Variants in DTHD1 observed in about 807,000 individuals in gnomAD.
DTHD1 encodes death domain containing 1.
In DTHD1, 59 loss-of-function variants were observed where a neutral mutation model predicts 74.8. That is an observed-to-expected ratio of 0.79 (90% confidence interval 0.64 to 0.98). The LOEUF (loss-of-function observed/expected upper bound fraction) is 0.98. Ranked by LOEUF, DTHD1 falls within the 50% of genes least tolerant of loss-of-function variation. The pLI is 0.00. For synonymous variants in DTHD1, 365 were observed against 371.1 expected, an observed-to-expected ratio of 0.98 and a Z score of 0.19; for missense variants, 1,051 against 1,065.4, an observed-to-expected ratio of 0.99 and a Z score of 0.19.
intron 5 of DTHD1, among the ~76,000 whole-genome samples, chr4:36,297,523 A>C (rs1315828775): frequency 6.6e-6 from 1 of 151,900 alleles, no homozygotes; most frequent in Non-Finnish European, 1.5e-5. Flanking sequence ...GAAGCAATTA[A>C]TTTTTTTTGT....
chr4:36,338,803 G>A (rs1759153540), intron 8 of DTHD1, among the ~76,000 whole-genome samples: 1 of 151,986 alleles, frequency 6.6e-6, no homozygotes, highest in South Asian at 2.1e-4. Flanking sequence ...CTTGCTCTAC[G>A]CTAGTTGGTT....
chr4:36,299,847 C>T (rs573113297), intron 5 of DTHD1, among the ~76,000 whole-genome samples: 199 of 151,914 alleles, frequency 1.3e-3, no homozygotes, highest in African/African-American at 4.5e-3. Context: ...TTTTTTATTT[C>T]TTAAAGTTAT....
intron 8 of DTHD1, among the ~76,000 whole-genome samples, chr4:36,322,666 G>A (rs993763099): frequency 1.6e-4 from 24 of 152,092 alleles, no homozygotes; most frequent in African/African-American, 5.3e-4. Context: ...GATAGTAAGC[G>A]TCCTGGTGAT....
chr4:36,335,025 C>A (rs1758929094), intron 8 of DTHD1, among the ~76,000 whole-genome samples: 1 of 152,092 alleles, frequency 6.6e-6, no homozygotes, highest in African/African-American at 2.4e-5. Flanking sequence ...GGAGGGAAAA[C>A]AACATATATG....
In DTHD1 at chr4:36,306,280, G is replaced by A; in HGVS notation, c.1733G>A (p.Cys578Tyr). ...LGFRSQDSGW[C>Y]GLDDVVKTIQ... Reference sequence around the variant, plus strand: ...TTCAGAAGCCAAGACAGTGGTTGGTGTGGGCTTGATGATGTTGTGAAAACC... The same window carrying A: ...TTCAGAAGCCAAGACAGTGGTTGGTATGGGCTTGATGATGTTGTGAAAACC... The change falls in exon 6 of 10, where the codon TGT becomes TAT. Residue 578 changes from cysteine (C) to tyrosine (Y), a missense_variant. Coordinates refer to ENST00000639862, the MANE Select transcript of DTHD1 (RefSeq NM_001170700.3). 6.4e-7 allele frequency: 1 copy of A among 1,551,748 alleles called. No homozygotes were observed. The highest frequency in any genetic ancestry group is 8.7e-7 in the Non-Finnish European group (1 of 1,146,990).
chr4:36,285,672 C>A (rs1455554686), intron 2 of DTHD1, among the ~76,000 whole-genome samples: 1 of 150,578 alleles, frequency 6.6e-6, no homozygotes, highest in African/African-American at 2.5e-5. Context: ...TTTTGGGCAT[C>A]AGACAAACTT....
chr4:36,310,140 T>C (rs1310732014), intron 7 of DTHD1, among the ~76,000 whole-genome samples: 2 of 152,198 alleles, frequency 1.3e-5, no homozygotes, highest in Non-Finnish European at 1.5e-5. Context: ...TTTGCTATTG[T>C]AAATAGTGCT....
chr4:36,303,144 ACT>A (rs1303653347), intron 5 of DTHD1, among the ~76,000 whole-genome samples: 1 of 152,214 alleles, frequency 6.6e-6, no homozygotes, highest in East Asian at 1.9e-4. Context: ...TATTTTTGGA[ACT>A]GTCACTATGT....
intron 7 of DTHD1, 117 bp from the exon 8 acceptor site, chr4:36,316,125 C>G: frequency 2.2e-6 from 2 of 905,108 alleles, no homozygotes; most frequent in Non-Finnish European, 3.2e-6. Flanking sequence ...TTAGTAGAGA[C>G]GGGGTTTCAC....
rs528503263 is a variant in DTHD1, at chr4:36,326,743, T to A, written c.2340+10257T>A. 2.6e-4 allele frequency among the ~76,000 whole-genome samples: 40 copies of A among 152,350 alleles called. No homozygotes were observed. The South Asian group carries it at 7.5e-3, about 28-fold the overall frequency. ...TTTAATAGCTGACAGAAGCCTTACC[T>A]GTTTTCTTCCCATCTAGCAGTTGCA... On this transcript the variant is annotated intron_variant, in intron 8 of 9. Coordinates refer to ENST00000639862, the MANE Select transcript of DTHD1 (RefSeq NM_001170700.3).
At chr4:36,334,613 G>T (rs933780443) in intron 8 of DTHD1, among the ~76,000 whole-genome samples, 8 of 152,120 alleles carry the variant, frequency 5.3e-5, no homozygotes, top group African/African-American at 1.9e-4. Flanking sequence ...ACCTGCCTCG[G>T]CCTCCCAAAG....
At chr4:36,301,412 A>G (rs1385640602) in intron 5 of DTHD1, among the ~76,000 whole-genome samples, 2 of 152,216 alleles carry the variant, frequency 1.3e-5, no homozygotes, top group Non-Finnish European at 2.9e-5. Context: ...CTTAGGATAT[A>G]AAACTCCAGA....
chr4:36,302,613 C>T (rs1412400155), intron 5 of DTHD1, among the ~76,000 whole-genome samples: 2 of 152,022 alleles, frequency 1.3e-5, no homozygotes, highest in African/African-American at 4.8e-5. Flanking sequence ...TCAAATATTT[C>T]ACCACTTTAA....
At chr4:36,342,271 C>T (rs1759354953) in intron 9 of DTHD1, among the ~76,000 whole-genome samples, 1 of 152,164 alleles carries the variant, frequency 6.6e-6, no homozygotes, top group Non-Finnish European at 1.5e-5. Context: ...GTGCTGGCCC[C>T]TTTTCCTTGT....
At position 36,316,503 on chromosome 4, in the gene DTHD1, T is replaced by C. The variant is rs1473865819; in HGVS notation, c.2340+17T>C. The stretch of plus-strand genomic sequence containing the variant: ...TTGCCAAAGGTGAGTTATTTTACTT[T>C]TCTAATTACTACATTTTGTTAATTA... On this transcript the variant is annotated intron_variant, in intron 8 of 9. Coordinates refer to ENST00000639862, the MANE Select transcript of DTHD1 (RefSeq NM_001170700.3). 9 of 1,538,654 alleles carry C rather than the reference T, an allele frequency of 5.8e-6. No individual in the cohort carries two copies. The East Asian group carries it at 2.2e-4, about 38-fold the overall frequency.
At chr4:36,339,263 A>G (rs1384338606) in intron 9 of DTHD1, 94 bp downstream of exon 9, 14 of 892,456 alleles carry the variant, frequency 1.6e-5, no homozygotes, top group Admixed American at 6.3e-5. Flanking sequence ...GAATGGAGAA[A>G]GTGACTTTCC....
At chr4:36,332,409 C>T (rs949067303) in intron 8 of DTHD1, among the ~76,000 whole-genome samples, 1 of 152,064 alleles carries the variant, frequency 6.6e-6, no homozygotes, top group Admixed American at 6.6e-5. Context: ...TGAGGAGCCC[C>T]ATTATGTTTG....
intron 8 of DTHD1, chr4:36,332,836 G>T (rs529018732): frequency 2.0e-5 from 3 of 152,100 alleles, no homozygotes; most frequent in Non-Finnish European, 2.9e-5. Context: ...TTTAATGAAA[G>T]GCAGATGAGG....
rs971824954 is a variant in DTHD1, at chr4:36,343,582, C to T, written c.2479C>T (p.Pro827Ser). The T allele has an allele frequency of 1.3e-6, 2 of 1,551,574 alleles. No homozygotes were observed. The highest frequency in any genetic ancestry group is 1.7e-6 in the Non-Finnish European group (2 of 1,146,964). Residue 827 changes from proline to serine, a missense_variant, in exon 10 of 10, where the codon CCT becomes TCT. By Grantham distance (74) the Pro-to-Ser change is moderately conservative (BLOSUM62 -1). Coordinates refer to ENST00000639862, the MANE Select transcript of DTHD1 (RefSeq NM_001170700.3). ...ENAESLSSTLPLRRSTIQLIK... is the reference protein window; with the variant it reads ...ENAESLSSTLSLRRSTIQLIK... The stretch of plus-strand genomic sequence containing the variant: ...TGCTGAGTCTCTTTCCTCAACTCTC[C>T]CTCTGCGCCGTAGCACCATTCAGCT...
Sources: allele counts gnomAD v4.1 joint callset (sites outside exome capture counted in the v4.1 genomes callset), GRCh38; gene constraint gnomAD v4.1.1; transcripts MANE v1.5; gene names NCBI Gene and HGNC (gene_info 2026-07-23, HGNC 2026-07-21).